Variants in PCDHA9 observed in about 807,000 individuals in gnomAD.
PCDHA9 encodes protocadherin alpha-9.
PCDHA9 carries 62 observed loss-of-function variants against 62.0 expected under a neutral mutation model. That is an observed-to-expected ratio of 1.00 (90% CI 0.81 to 1.23). PCDHA9 has a LOEUF of 1.23. Ranked by LOEUF, PCDHA9 falls within the 50% of genes most tolerant of loss-of-function variation. The probability of loss-of-function intolerance (pLI) is 0.00; values close to 1 mark genes in which losing one functional copy is unlikely to be tolerated. For synonymous variants in PCDHA9, 557 were observed against 567.6 expected (o/e 0.98, Z 0.27); for missense variants, 1,205 against 1,249.8 (o/e 0.96, Z 0.54).
In PCDHA9 at chr5:140,857,821, T is replaced by G. The variant is rs782136833; in HGVS notation, c.2394+6932T>G. On this transcript the variant is annotated intron_variant, in intron 1 of 3. Transcript: ENST00000532602. The stretch of plus-strand genomic sequence containing the variant: ...CGGTGGTTGCGGGTCACGTGGTGGC[T>G]AAGGTGCGCGCAGTGGACGCTGACT... 1.3e-5 allele frequency: 21 copies of G among 1,597,530 alleles called. 3 individuals carry two copies. Among genetic ancestry groups the G allele is most frequent in the East Asian group, 2.2e-5 (1 of 44,830 alleles).
intron 1 of PCDHA9, among the ~76,000 whole-genome samples, chr5:140,888,739 GA>G (rs782625301): frequency 6.6e-6 from 1 of 151,978 alleles, no homozygotes; most frequent in Non-Finnish European, 1.5e-5. Flanking sequence ...TGAGCTCTAG[GA>G]ATTATTCTAC....
At chr5:140,906,017 C>G (rs1172988114) in intron 1 of PCDHA9, among the ~76,000 whole-genome samples, 2 of 152,188 alleles carry the variant, frequency 1.3e-5, no homozygotes, top group African/African-American at 2.4e-5. Flanking sequence ...AGTCTAATCT[C>G]TCCACGTTCT....
chr5:140,911,033 G>A lies in PCDHA9; in HGVS notation c.2394+60144G>A, dbSNP rs188656147. 2.0e-3 allele frequency among the ~76,000 whole-genome samples: 306 copies of A among 152,188 alleles called. 2 individuals are homozygous for A. The highest frequency in any genetic ancestry group is 7.0e-3 in the African/African-American group (291 of 41,532). On this transcript the variant is annotated intron_variant, in intron 1 of 3. Transcript: ENST00000532602. ...GGACTTTAGTCTAGTTATAGGTCTA[G>A]AAGCAAACAGGGGTGGTGGGGGGTG...
rs782761972 is a variant in PCDHA9, at chr5:140,927,978, T to C, written c.2395-50971T>C. 9.9e-6 allele frequency: 16 copies of C among 1,614,092 alleles called. No individual in the cohort carries two copies. In the East Asian group the frequency reaches 1.8e-4, roughly 18 times the overall value. ...CCCCTGGCACAGTGATTGCTCTCTTTAGTGTAAAGGATGAAGACCTCGATT... is the reference window on the plus strand; with the variant it reads ...CCCCTGGCACAGTGATTGCTCTCTTCAGTGTAAAGGATGAAGACCTCGATT... On this transcript the variant is annotated intron_variant, in intron 1 of 3. Coordinates refer to ENST00000532602, the MANE Select transcript of PCDHA9 (RefSeq NM_031857.2).
chr5:140,995,466 T>A (rs1325738929), intron 3 of PCDHA9, among the ~76,000 whole-genome samples: 1 of 152,196 alleles, frequency 6.6e-6, no homozygotes, highest in Non-Finnish European at 1.5e-5. Flanking sequence ...ATTTTTGAAA[T>A]TTTTCATTTA....
At chr5:140,919,716 A>G (rs1166757941) in intron 1 of PCDHA9, among the ~76,000 whole-genome samples, 1 of 152,214 alleles carries the variant, frequency 6.6e-6, no homozygotes, top group East Asian at 1.9e-4. Flanking sequence ...CTAGTGAGAT[A>G]TAAATATGTT....
intron 1 of PCDHA9, among the ~76,000 whole-genome samples, chr5:140,904,934 G>A (rs1181903303): frequency 6.6e-6 from 1 of 152,110 alleles, no homozygotes; most frequent in Non-Finnish European, 1.5e-5. Context: ...GTAGGTTCTG[G>A]ATATTAGTCC....
Position 140,869,675 on chromosome 5 carries a change from G to C in PCDHA9, c.2394+18786G>C, listed in dbSNP as rs1040647730. 3 of 1,613,268 alleles carry C rather than the reference G, an allele frequency of 1.9e-6. No homozygotes were observed. The South Asian group carries it at 3.3e-5, about 18-fold the overall frequency. Reference sequence around the variant, plus strand: ...CCAACAAATGGTAAGCAGATTAAAAGACTGTCACTTATTTTAAAGAAGTCT... The same window carrying C: ...CCAACAAATGGTAAGCAGATTAAAACACTGTCACTTATTTTAAAGAAGTCT... On this transcript the variant is annotated intron_variant, in intron 1 of 3. Transcript: ENST00000532602.
intron 1 of PCDHA9, chr5:140,929,724 TA>T (rs2086341478): frequency 4.6e-6 from 1 of 218,158 alleles, no homozygotes; most frequent in Admixed American, 5.9e-5. Flanking sequence ...GTGAAACATT[TA>T]CTTAAACTAT....
At chr5:140,870,590 G>C in intron 1 of PCDHA9, 1 of 1,613,564 alleles carries the variant, frequency 6.2e-7, no homozygotes, top group Non-Finnish European at 8.5e-7. Context: ...CTGGTGGAGC[G>C]GCGGTTGGGC....
rs2150476991 is a variant in PCDHA9 at position 140,850,274 on chromosome 5, G to T, written c.1779G>T (p.Lys593Asn). Reference sequence around the variant, plus strand: ...TGGGCGCCGGCGTAGTGGTGGGGAAGGTGCGCGCAGTGGACGCCGACTCGG... The same window carrying T: ...TGGGCGCCGGCGTAGTGGTGGGGAATGTGCGCGCAGTGGACGCCGACTCGG... ...RSVGAGVVVG[K>N]VRAVDADSGY... The change falls in exon 1 of 4, where the codon AAG (lysine) becomes AAT (asparagine). Residue 593 changes from lysine to asparagine, a missense_variant. Coordinates refer to ENST00000532602, the MANE Select transcript of PCDHA9 (RefSeq NM_031857.2). The T allele has an allele frequency of 3.8e-6, 6 of 1,595,442 alleles. 1 individual carries two copies. In the African/African-American group the frequency reaches 4.0e-5, roughly 11 times the overall value.
intron 1 of PCDHA9, chr5:140,862,660 G>T: frequency 1.8e-6 from 1 of 546,542 alleles, no homozygotes; most frequent in Non-Finnish European, 3.7e-6. Flanking sequence ...GCGGGACCGG[G>T]ACGCGCAGGA....
intron 1 of PCDHA9, among the ~76,000 whole-genome samples, chr5:140,938,194 C>T (rs782229712): frequency 5.9e-5 from 9 of 152,206 alleles, no homozygotes; most frequent in South Asian, 2.1e-4. Context: ...AATCCTCCCA[C>T]GCCAGCCTCC....
rs2150458780 is a variant in PCDHA9 at position 140,849,941 on chromosome 5, T to C, written c.1446T>C (p.Ala482=). 24 of 1,597,306 alleles carry C rather than the reference T, an allele frequency of 1.5e-5. 4 individuals are homozygous for C. In the Middle Eastern group the frequency reaches 5.4e-4, roughly 36 times the overall value. The change falls in exon 1 of 4, where the codon GCT becomes GCC. Residue 482 remains alanine, a synonymous_variant. Transcript: ENST00000532602. ...CHIFTVSARD[A]DAQENALVSY... is the part of the protein sequence containing the mutation. ...TCTTCACGGTGTCTGCGCGGGACGC[T>C]GACGCGCAGGAGAACGCCCTGGTGT...
Position 140,849,515 on chromosome 5 carries a change from T to C in PCDHA9, c.1020T>C (p.Val340=). The change falls in exon 1 of 4, where the codon GTT becomes GTC. Residue 340 remains valine, a synonymous_variant. Coordinates refer to ENST00000532602, the MANE Select transcript of PCDHA9 (RefSeq NM_031857.2). ...GTCATTGTACACTTCTTGTGGAAGT[T>C]GTGGATGTAAATGACAATGCTCCAC... ...LAGHCTLLVE[V]VDVNDNAPQL... 1 of 1,596,992 alleles carries C rather than the reference T, an allele frequency of 6.3e-7. No individual in the cohort carries two copies. The highest frequency in any genetic ancestry group is 8.6e-7 in the Non-Finnish European group (1 of 1,167,228).
At position 140,848,407 on chromosome 5, in the gene PCDHA9, A is replaced by G; in HGVS notation, c.-89A>G. The G allele has an allele frequency of 7.4e-7, 1 of 1,347,562 alleles. No individual in the cohort carries two copies. Among genetic ancestry groups the G allele is most frequent in the Non-Finnish European group, 1.0e-6 (1 of 974,534 alleles). 83.5% of individuals were successfully genotyped at this position (1,347,562 alleles called of 1,614,324 possible). On this transcript the variant is annotated 5_prime_UTR_variant, in exon 1 of 4. Coordinates refer to ENST00000532602, the MANE Select transcript of PCDHA9 (RefSeq NM_031857.2). ...ACTCTCTCTGTGCTGAACGATGGCG[A>G]ACACAGCAGAATGGGACTGACGAAA...
At chr5:140,952,349 A>T (rs1554220373) in intron 1 of PCDHA9, among the ~76,000 whole-genome samples, 2 of 152,000 alleles carry the variant, frequency 1.3e-5, no homozygotes, top group African/African-American at 4.8e-5. Flanking sequence ...AAAAAAAAAA[A>T]AAAAAGAAAG....
chr5:140,876,674 A>T (rs782568001), intron 1 of PCDHA9: 38 of 1,614,024 alleles, frequency 2.4e-5, no homozygotes, highest in Non-Finnish European at 3.1e-5. Flanking sequence ...GTGTCCACCT[A>T]CAAGAATTAC....
At chr5:140,916,263 C>A (rs541005754) in intron 1 of PCDHA9, among the ~76,000 whole-genome samples, 43 of 152,316 alleles carry the variant, frequency 2.8e-4, no homozygotes, top group African/African-American at 1.0e-3. Flanking sequence ...ACCCCAAGAG[C>A]ATGCTTGTTG....
Sources: gnomAD v4.1 joint callset for allele counts (sites outside exome capture counted in the v4.1 genomes callset) on GRCh38, gnomAD v4.1.1 for gene constraint, MANE v1.5 for transcripts, NCBI Gene and HGNC (gene_info 2026-07-23, HGNC 2026-07-21) for gene names.